The following LAMA2 variants were observed in gnomAD, a reference collection of about 807,000 sequenced individuals.
LAMA2 encodes laminin subunit alpha 2.
In LAMA2, 269 loss-of-function variants were observed where a neutral mutation model predicts 364.8. The ratio of observed to expected loss-of-function variants is 0.74; its 90% CI spans 0.67 to 0.82. LAMA2 has a LOEUF of 0.82. Among genes scored for constraint, LAMA2 ranks in the 40% least tolerant of loss-of-function variants. The pLI, the probability that LAMA2 is intolerant of heterozygous loss-of-function variation, is 0.00. For synonymous variants in LAMA2, 1,379 were observed against 1,370.6 expected (o/e 1.01, Z -0.14); for missense variants, 3,807 against 3,873.2 (o/e 0.98, Z 0.45).
intron 4 of LAMA2, among the ~76,000 whole-genome samples, chr6:129,132,846 A>G (rs1307314027): frequency 1.3e-5 from 2 of 152,200 alleles, no homozygotes; most frequent in Non-Finnish European, 2.9e-5. Flanking sequence ...GATAGATATT[A>G]TTTTTATTTA....
intron 27 of LAMA2, among the ~76,000 whole-genome samples, chr6:129,318,459 T>C (rs989942935): frequency 1.3e-5 from 2 of 152,188 alleles, no homozygotes; most frequent in Non-Finnish European, 2.9e-5. Context: ...GTTGCTGCCA[T>C]TCAAGCTTCA....
chr6:129,314,142 T>C (rs1425257740), intron 23 of LAMA2, among the ~76,000 whole-genome samples: 1 of 152,152 alleles, frequency 6.6e-6, no homozygotes, highest in Admixed American at 6.5e-5. Context: ...GGCTCACGCC[T>C]GTAATCCCAC....
intron 6 of LAMA2, among the ~76,000 whole-genome samples, 160 bp from the exon 7 acceptor site, chr6:129,148,819 A>C (rs1446748201): frequency 1.3e-5 from 2 of 152,036 alleles, no homozygotes; most frequent in Non-Finnish European, 2.9e-5. Flanking sequence ...AAATATACCC[A>C]CTTCAAGCCT....
chr6:129,345,303 A>G (rs942646804), intron 30 of LAMA2, among the ~76,000 whole-genome samples: 3 of 152,116 alleles, frequency 2.0e-5, no homozygotes, highest in African/African-American at 4.8e-5. Flanking sequence ...TATACCTAAA[A>G]GGTAACTTGA....
Position 129,342,472 on chromosome 6 carries a change from G to T in LAMA2, c.4436+5G>T, listed in dbSNP as rs1057524616. ...TCTGATTTCTTCCAGTAACAAGTAA[G>T]ATTGAGAAATATAACCATATTTCCC... On this transcript the variant is annotated splice_donor_5th_base_variant and intron_variant, in intron 30 of 64. Coordinates refer to ENST00000421865, the MANE Select transcript of LAMA2 (RefSeq NM_000426.4). 1 of 1,612,484 alleles carries T rather than the reference G, an allele frequency of 6.2e-7. No homozygotes were observed. The highest frequency in any genetic ancestry group is 1.7e-5 in the Admixed American group (1 of 59,986).
intron 9 of LAMA2, among the ~76,000 whole-genome samples, chr6:129,169,682 G>A (rs1780006757): frequency 1.4e-5 from 2 of 141,774 alleles, no homozygotes; most frequent in South Asian, 4.7e-4. Context: ...CTCATAAAAT[G>A]AGTTAGGGAG....
chr6:128,936,665 T>C (rs916239547), intron 1 of LAMA2, among the ~76,000 whole-genome samples: 3 of 152,186 alleles, frequency 2.0e-5, no homozygotes, highest in Non-Finnish European at 4.4e-5. Context: ...TAATAAGAGT[T>C]ATGTGAATGT....
chr6:129,417,056 C>T (rs938849101), intron 40 of LAMA2, among the ~76,000 whole-genome samples: 2 of 152,104 alleles, frequency 1.3e-5, no homozygotes, highest in African/African-American at 4.8e-5. Flanking sequence ...GTCTCAGCTC[C>T]CCAAAAGGCC....
intron 1 of LAMA2, among the ~76,000 whole-genome samples, chr6:128,982,332 A>G (rs926320520): frequency 6.6e-6 from 1 of 152,304 alleles, no homozygotes; most frequent in Non-Finnish European, 1.5e-5. Flanking sequence ...CTGTGTATCT[A>G]TAGCCAACAG....
chr6:129,027,177 G>C (rs1424148325), intron 1 of LAMA2, among the ~76,000 whole-genome samples: 2 of 152,002 alleles, frequency 1.3e-5, no homozygotes, highest in African/African-American at 4.8e-5. Context: ...CATGTGGAAG[G>C]CTCTCAGCTA....
chr6:129,384,627 G>A (rs1778874584), intron 35 of LAMA2, among the ~76,000 whole-genome samples: 1 of 152,054 alleles, frequency 6.6e-6, no homozygotes, highest in Non-Finnish European at 1.5e-5. Flanking sequence ...TGCTTCTTCT[G>A]GGTGCCTAGG....
At chr6:129,453,156 T>C (rs775518204) in intron 46 of LAMA2, 25 bp downstream of exon 46, 6 of 1,601,822 alleles carry the variant, frequency 3.7e-6, no homozygotes, top group Non-Finnish European at 5.1e-6. Flanking sequence ...CAACTTTTCA[T>C]TAGGCTGCTG....
intron 18 of LAMA2, 126 bp from the exon 19 acceptor site, chr6:129,287,721 G>A (rs923093852): frequency 1.5e-4 from 128 of 840,064 alleles, no homozygotes; most frequent in East Asian, 1.1e-3. Context: ...ATCACGTTGC[G>A]TTTGAGAAAA....
At chr6:129,360,788 G>T (rs1353993093) in intron 32 of LAMA2, among the ~76,000 whole-genome samples, 1 of 152,198 alleles carries the variant, frequency 6.6e-6, no homozygotes, top group Non-Finnish European at 1.5e-5. Context: ...TAGAATAAAT[G>T]AGAGAAAAAT....
intron 32 of LAMA2, among the ~76,000 whole-genome samples, chr6:129,359,284 A>G (rs1454491369): frequency 1.1e-4 from 1 of 8,724 alleles, no homozygotes; most frequent in African/African-American, 2.9e-4. Flanking sequence ...TATTTAATAT[A>G]TAAAAATATA....
intron 4 of LAMA2, among the ~76,000 whole-genome samples, chr6:129,108,340 G>C (rs866340424): frequency 4.6e-5 from 7 of 151,892 alleles, no homozygotes; most frequent in African/African-American, 1.7e-4. Flanking sequence ...AATTTTGTTT[G>C]CTTTAATAAT....
At chr6:129,177,249 T>C (rs1488270004) in intron 9 of LAMA2, among the ~76,000 whole-genome samples, 5 of 152,228 alleles carry the variant, frequency 3.3e-5, no homozygotes, top group African/African-American at 1.2e-4. Context: ...TAGAGTATCA[T>C]TGTTAAACTG....
intron 12 of LAMA2, among the ~76,000 whole-genome samples, chr6:129,245,271 T>C (rs1365182763): frequency 6.6e-6 from 1 of 152,128 alleles, no homozygotes; most frequent in African/African-American, 2.4e-5. Flanking sequence ...CTAGTAAATA[T>C]AGTCGAATCC....
intron 33 of LAMA2, among the ~76,000 whole-genome samples, chr6:129,369,590 G>T (rs1289821237): frequency 6.6e-6 from 1 of 152,076 alleles, no homozygotes; most frequent in African/African-American, 2.4e-5. Context: ...AAGACAGTTT[G>T]CTCTTTCATG....
Sources: allele counts gnomAD v4.1 joint callset (sites outside exome capture counted in the v4.1 genomes callset), GRCh38; gene constraint gnomAD v4.1.1; transcripts MANE v1.5; gene names NCBI Gene and HGNC (gene_info 2026-07-23, HGNC 2026-07-21).